RTTN: variants seen among roughly 807,000 people sequenced by gnomAD.
RTTN encodes the protein rotatin.
In RTTN, 182 loss-of-function variants were observed where a neutral mutation model predicts 269.2. That is an observed-to-expected ratio of 0.68 (90% CI 0.60 to 0.76). RTTN has a LOEUF of 0.76. RTTN is among the 30% of genes least tolerant of loss of function. The pLI, the probability that RTTN is intolerant of heterozygous loss-of-function variation, is 0.00. For synonymous variants in RTTN, 1,006 were observed against 963.5 expected (o/e 1.04, Z -0.82); for missense variants, 2,545 against 2,608.6 (o/e 0.98, Z 0.53).
At chr18:70,190,483 G>T in intron 9 of RTTN, 55 bp downstream of exon 9, 1 of 1,387,464 alleles carries the variant, frequency 7.2e-7, no homozygotes, top group Non-Finnish European at 1.0e-6. Context: ...AAATCCTAAC[G>T]AAATACAAAA....
chr18:70,179,801 G>GC (rs1446960147), intron 10 of RTTN, among the ~76,000 whole-genome samples: 1 of 152,166 alleles, frequency 6.6e-6, no homozygotes, highest in African/African-American at 2.4e-5. Flanking sequence ...AGCAGGCTCT[G>GC]CCCCTCACAT....
chr18:70,170,469 C>T (rs1470124993), intron 11 of RTTN, among the ~76,000 whole-genome samples: 1 of 152,148 alleles, frequency 6.6e-6, no homozygotes, highest in Non-Finnish European at 1.5e-5. Flanking sequence ...AGGAAGGCCT[C>T]GCTAATAAGA....
intron 35 of RTTN, among the ~76,000 whole-genome samples, chr18:70,063,411 T>A (rs1235098827): frequency 6.6e-6 from 1 of 152,048 alleles, no homozygotes; most frequent in African/African-American, 2.4e-5. Flanking sequence ...TACATGAGAG[T>A]TTGTGTTCTT....
At chr18:70,018,777 G>A (rs1413353775) in intron 45 of RTTN, among the ~76,000 whole-genome samples, 11 of 145,794 alleles carry the variant, frequency 7.5e-5, no homozygotes, top group Non-Finnish European at 1.4e-4. Flanking sequence ...TGACAAGGGT[G>A]ATAAAGCAGA....
chr18:70,041,730 A>C (rs934104182), intron 40 of RTTN, among the ~76,000 whole-genome samples: 1 of 152,156 alleles, frequency 6.6e-6, no homozygotes, highest in Non-Finnish European at 1.5e-5. Context: ...CAGAGACAGG[A>C]AAATTTGTGG....
intron 40 of RTTN, among the ~76,000 whole-genome samples, chr18:70,042,545 T>G (rs2057376602): frequency 6.6e-6 from 1 of 152,014 alleles, no homozygotes; most frequent in African/African-American, 2.4e-5. Flanking sequence ...CTGGCTAATT[T>G]TTTTGTGTTT....
intron 38 of RTTN, among the ~76,000 whole-genome samples, chr18:70,051,867 G>C (rs2144813687): frequency 6.6e-6 from 1 of 152,184 alleles, no homozygotes; most frequent in Non-Finnish European, 1.5e-5. Flanking sequence ...ACTACATATT[G>C]GCACATTATA....
chr18:70,193,253 T>C (rs368697203), intron 8 of RTTN, 35 bp downstream of exon 8: 1 of 1,553,790 alleles, frequency 6.4e-7, no homozygotes, highest in African/African-American at 1.4e-5. Context: ...TTAACCGGCA[T>C]TTCTCATTTC....
At chr18:70,203,351 C>T (rs1015932251) in intron 3 of RTTN, among the ~76,000 whole-genome samples, 2 of 152,038 alleles carry the variant, frequency 1.3e-5, no homozygotes, top group African/African-American at 2.4e-5. Context: ...TACAGGCGCC[C>T]GCCACTATGT....
At chr18:70,108,563 C>A (rs934498500) in intron 28 of RTTN, among the ~76,000 whole-genome samples, 1 of 151,896 alleles carries the variant, frequency 6.6e-6, no homozygotes, top group East Asian at 1.9e-4. Flanking sequence ...ATGCAAAATT[C>A]GAAAAACTTT....
At chr18:70,056,294 T>A (rs2057814618) in intron 37 of RTTN, among the ~76,000 whole-genome samples, 1 of 152,184 alleles carries the variant, frequency 6.6e-6, no homozygotes, top group Non-Finnish European at 1.5e-5. Context: ...GTGCAGTGGT[T>A]AAGAATGTGG....
At chr18:70,079,048 G>A (rs1563961) in intron 32 of RTTN, among the ~76,000 whole-genome samples, 1 of 151,960 alleles carries the variant, frequency 6.6e-6, no homozygotes, top group Non-Finnish European at 1.5e-5. Context: ...TAAATCCTTA[G>A]GTACTAAAGT....
chr18:70,122,875 T>G (rs2059773404), intron 25 of RTTN, among the ~76,000 whole-genome samples: 1 of 152,124 alleles, frequency 6.6e-6, no homozygotes, highest in Non-Finnish European at 1.5e-5. Flanking sequence ...ATAAGAAGTC[T>G]TCTATGATAT....
At chr18:70,093,259 TAA>T (rs57211704) in intron 28 of RTTN, among the ~76,000 whole-genome samples, 120,731 of 148,232 alleles carry the variant, frequency 0.81, 51,908 homozygotes, top group East Asian at 0.99. Context: ...TTAAAGTCTG[TAA>T]AAAAAAAAAA....
At chr18:70,068,992 T>C (rs1262263617) in intron 34 of RTTN, among the ~76,000 whole-genome samples, 2 of 152,208 alleles carry the variant, frequency 1.3e-5, no homozygotes, top group African/African-American at 2.4e-5. Context: ...ATTAGTGTAA[T>C]GGATGTTGCT....
chr18:70,072,474 G>GA (rs749891666), intron 34 of RTTN, among the ~76,000 whole-genome samples: 1 of 151,986 alleles, frequency 6.6e-6, no homozygotes, highest in Non-Finnish European at 1.5e-5. Context: ...AATTTTCTCA[G>GA]AAAATCTAGT....
At chr18:70,173,478 C>G (rs1599901134) in intron 11 of RTTN, among the ~76,000 whole-genome samples, 1 of 103,928 alleles carries the variant, frequency 9.6e-6, no homozygotes, top group Admixed American at 1.4e-4. Flanking sequence ...GGTGACAGAG[C>G]AAGACTCCAA....
At chr18:70,016,964 C>T (rs775899308) in intron 46 of RTTN, among the ~76,000 whole-genome samples, 42 of 151,966 alleles carry the variant, frequency 2.8e-4, no homozygotes, top group Non-Finnish European at 5.6e-4. Flanking sequence ...GAAACAAAAC[C>T]AGGAAAGGAA....
At position 70,006,380 on chromosome 18, in the gene RTTN, CCTT is replaced by C. The variant is rs2056187898; in HGVS notation, c.6523_6525del (p.Lys2175del). ...GTGTAACAATGATTTTTAAAACTGA[CCTT>C]CTGATAATTGTAAATCAGAGCCCAA... is the stretch of plus-strand genomic sequence containing the variant. On this transcript the variant is annotated inframe_deletion and splice_region_variant, in exon 47 of 49. Coordinates refer to ENST00000640769, the MANE Select transcript of RTTN (RefSeq NM_173630.4). The C allele has an allele frequency of 1.2e-6, 2 of 1,609,858 alleles. No individual in the cohort carries two copies. Among genetic ancestry groups the C allele is most frequent in the Non-Finnish European group, 1.7e-6 (2 of 1,176,146 alleles).
Sources: allele counts gnomAD v4.1 joint callset (sites outside exome capture counted in the v4.1 genomes callset), GRCh38; gene constraint gnomAD v4.1.1; transcripts MANE v1.5; gene names NCBI Gene and HGNC (gene_info 2026-07-23, HGNC 2026-07-21).